The following AGMO variants were observed in gnomAD, a reference collection of about 807,000 sequenced individuals.
The protein encoded by AGMO is glyceryl-ether monooxygenase.
A neutral mutation model predicts 60.2 loss-of-function variants in AGMO; 75 were observed. The ratio of observed to expected loss-of-function variants is 1.25; its 90% CI spans 1.03 to 1.51. AGMO has a LOEUF of 1.51. AGMO is among the 40% of genes most tolerant of loss of function. The pLI, the probability that AGMO is intolerant of heterozygous loss-of-function variation, is 0.00. For missense variants in AGMO, 763 were observed against 525.5 expected, an observed-to-expected ratio of 1.45 and a Z score of -4.42; for synonymous variants, 261 against 177.1, an observed-to-expected ratio of 1.47 and a Z score of -3.76.
chr7:15,497,554 CAGA>C (rs1783265273), intron 3 of AGMO, among the ~76,000 whole-genome samples: 1 of 152,042 alleles, frequency 6.6e-6, no homozygotes, highest in Admixed American at 6.6e-5. Flanking sequence ...AGCAACCCCT[CAGA>C]AGAATACCTC....
intron 10 of AGMO, among the ~76,000 whole-genome samples, chr7:15,374,918 G>A (rs1328182284): frequency 2.0e-5 from 3 of 152,052 alleles, no homozygotes; most frequent in Admixed American, 1.3e-4. Flanking sequence ...CAGCTCATGC[G>A]TGATACCCTG....
At chr7:15,374,291 T>C (rs1040788606) in intron 10 of AGMO, among the ~76,000 whole-genome samples, 4 of 152,070 alleles carry the variant, frequency 2.6e-5, no homozygotes, top group African/African-American at 7.3e-5. Context: ...CTAAGAGGAA[T>C]ATAATTACAG....
chr7:15,240,071 T>C (rs1782545309), intron 12 of AGMO, among the ~76,000 whole-genome samples: 1 of 152,084 alleles, frequency 6.6e-6, no homozygotes. Flanking sequence ...AATAGAAACG[T>C]CAAAAAGAGA....
chr7:15,253,113 T>C (rs574836527), intron 12 of AGMO, among the ~76,000 whole-genome samples: 94 of 152,280 alleles, frequency 6.2e-4, no homozygotes, highest in African/African-American at 1.9e-3. Context: ...ATTAATTTGC[T>C]ATTGTTTTGA....
At chr7:15,167,181 A>G in the AGMO span, among the ~76,000 whole-genome samples, 162 of 152,296 alleles carry the variant, frequency 1.1e-3, no homozygotes, top group Non-Finnish European at 1.7e-3. Flanking sequence ...TTGAAAAGTT[A>G]TTTCACTGAA....
chr7:15,515,150 A>G (rs1783776074), intron 3 of AGMO, among the ~76,000 whole-genome samples: 1 of 152,214 alleles, frequency 6.6e-6, no homozygotes, highest in African/African-American at 2.4e-5. Context: ...TTTTAAAATT[A>G]TTCTTTCAAT....
the AGMO span, among the ~76,000 whole-genome samples, chr7:15,149,671 T>C: frequency 1.3e-5 from 2 of 152,218 alleles, no homozygotes; most frequent in Admixed American, 6.5e-5. Flanking sequence ...TATTGGTCTA[T>C]GTGTCTGTTT....
intron 3 of AGMO, among the ~76,000 whole-genome samples, chr7:15,441,228 A>G (rs1285051631): frequency 1.3e-5 from 2 of 152,268 alleles, no homozygotes; most frequent in Non-Finnish European, 2.9e-5. Flanking sequence ...CCAGTCCTGT[A>G]CATAGGAAAA....
chr7:15,450,884 AT>A (rs1259199726), intron 3 of AGMO, among the ~76,000 whole-genome samples: 1 of 152,170 alleles, frequency 6.6e-6, no homozygotes, highest in African/African-American at 2.4e-5. Context: ...TAATAATAAA[AT>A]TAAATAATTT....
At chr7:15,120,980 AC>A in the AGMO span, among the ~76,000 whole-genome samples, 1 of 151,428 alleles carries the variant, frequency 6.6e-6, no homozygotes, top group Non-Finnish European at 1.5e-5. Context: ...CTTTCTGCCC[AC>A]CCCCAGACAG....
At chr7:15,495,071 C>T (rs1358157811) in intron 3 of AGMO, among the ~76,000 whole-genome samples, 1 of 152,140 alleles carries the variant, frequency 6.6e-6, no homozygotes, top group African/African-American at 2.4e-5. Context: ...TATGACTTTT[C>T]ATTTGTTTGC....
the AGMO span, among the ~76,000 whole-genome samples, chr7:15,153,003 T>A: frequency 6.6e-6 from 1 of 152,082 alleles, no homozygotes; most frequent in Admixed American, 6.6e-5. Flanking sequence ...CACAGCAACA[T>A]CTATTATTTT....
chr7:15,542,661 TTGCCG>T (rs1554285010), intron 3 of AGMO, among the ~76,000 whole-genome samples: 1 of 152,170 alleles, frequency 6.6e-6, no homozygotes, highest in Non-Finnish European at 1.5e-5. Flanking sequence ...ATGAGGAAGA[TTGCCG>T]ATGAGTTTAT....
At chr7:15,155,830 C>G in the AGMO span, among the ~76,000 whole-genome samples, 1 of 152,048 alleles carries the variant, frequency 6.6e-6, no homozygotes, top group African/African-American at 2.4e-5. Context: ...TTCTTTGATG[C>G]CCTTGAGGGT....
chr7:15,320,821 G>A (rs1469446703), intron 12 of AGMO, among the ~76,000 whole-genome samples: 2 of 152,098 alleles, frequency 1.3e-5, no homozygotes, highest in Non-Finnish European at 2.9e-5. Flanking sequence ...AGGACCTCAA[G>A]TTGAAACAAC....
At chr7:15,133,874 C>G in the AGMO span, among the ~76,000 whole-genome samples, 1 of 152,178 alleles carries the variant, frequency 6.6e-6, no homozygotes, top group Non-Finnish European at 1.5e-5. Context: ...TGCCGTGGAT[C>G]TGAAACTGAA....
At chr7:15,270,467 G>C (rs1783564275) in intron 12 of AGMO, among the ~76,000 whole-genome samples, 1 of 151,644 alleles carries the variant, frequency 6.6e-6, no homozygotes, top group Non-Finnish European at 1.5e-5. Flanking sequence ...TTGAAACGAG[G>C]TTAATTCTTT....
the AGMO span, among the ~76,000 whole-genome samples, chr7:15,156,395 C>T: frequency 2.6e-5 from 4 of 152,290 alleles, 1 homozygote; most frequent in Middle Eastern, 6.8e-3. Flanking sequence ...CCCCCTCCCA[C>T]GGGCAAGACA....
downstream of AGMO, among the ~76,000 whole-genome samples, chr7:15,197,514 G>A (rs1349719291): frequency 2.0e-5 from 3 of 152,184 alleles, no homozygotes; most frequent in African/African-American, 7.2e-5. Context: ...ACTCTGAGAC[G>A]ATTAGATTCA....
Sources: gnomAD v4.1 joint callset for allele counts (sites outside exome capture counted in the v4.1 genomes callset) on GRCh38, gnomAD v4.1.1 for gene constraint, MANE v1.5 for transcripts, NCBI Gene and HGNC (gene_info 2026-07-23, HGNC 2026-07-21) for gene names.